PLPP4: variants seen among roughly 807,000 people sequenced by gnomAD.
The protein encoded by PLPP4 is phospholipid phosphatase 4, also known as diacylglycerol pyrophosphate like 2.
In PLPP4, 20 loss-of-function variants were observed where a neutral mutation model predicts 32.2. That is an observed-to-expected ratio of 0.62 (90% CI 0.44 to 0.90). PLPP4 has a LOEUF of 0.90. PLPP4 is among the 40% of genes least tolerant of loss of function. The pLI is 0.00. For missense variants in PLPP4, 257 were observed against 353.1 expected (o/e 0.73, Z 2.18); for synonymous variants, 127 against 133.0 (o/e 0.95, Z 0.31).
At chr10:120,525,078 C>T in intron 5 of PLPP4, among the ~76,000 whole-genome samples, 1 of 152,208 alleles carries the variant, frequency 6.6e-6, no homozygotes, top group East Asian at 1.9e-4. Flanking sequence ...CCAGTGGCTG[C>T]TAGCTTTTGT....
At chr10:120,545,595 C>A (rs1262043710) in intron 5 of PLPP4, among the ~76,000 whole-genome samples, 1 of 152,174 alleles carries the variant, frequency 6.6e-6, no homozygotes, top group Non-Finnish European at 1.5e-5. Context: ...CACTTGTCCT[C>A]TTCTGCTGGT....
intron 6 of PLPP4, among the ~76,000 whole-genome samples, chr10:120,580,115 C>CAAAAAA (rs10609637): frequency 1.1e-5 from 1 of 91,572 alleles, no homozygotes; most frequent in Non-Finnish European, 2.2e-5. Context: ...GCGAGACTCT[C>CAAAAAA]AAAAAAAAAA....
Position 120,457,295 on chromosome 10 carries a change from C to T in PLPP4, c.-11C>T. 2.0e-6 allele frequency: 3 copies of T among 1,515,108 alleles called. No homozygotes were observed. Among genetic ancestry groups the T allele is most frequent in the Non-Finnish European group, 2.7e-6 (3 of 1,129,632 alleles). 93.9% of individuals were successfully genotyped at this position (1,515,108 alleles called of 1,614,324 possible). A position where few individuals can be genotyped will look rare whatever the true frequency, so the allele number is the denominator to read the frequency against. On this transcript the variant is annotated 5_prime_UTR_variant, in exon 1 of 7. Transcript: ENST00000398250. ...ACCAGCTGACGCCGCGGGAGCTGCT[C>T]CGGCCGCACCATGCGGGAGCTGGCC...
Position 120,591,020 on chromosome 10 carries a change from C to T in PLPP4, c.*1518C>T, listed in dbSNP as rs370148664. On this transcript the variant is annotated 3_prime_UTR_variant, in exon 7 of 7. Transcript: ENST00000398250. The stretch of plus-strand genomic sequence containing the variant: ...CTAGCCTCAAGTGATCTGCCCACCT[C>T]GGCCTCCCAAAGTGCTGGGATTATA... Among the ~76,000 whole-genome samples the T allele has an allele frequency of 1.3e-4, 20 of 152,196 alleles. No homozygotes were observed. In the South Asian group the frequency reaches 3.3e-3, roughly 25 times the overall value.
chr10:120,481,431 A>G (rs997892482), intron 1 of PLPP4, among the ~76,000 whole-genome samples: 4 of 152,136 alleles, frequency 2.6e-5, no homozygotes, highest in South Asian at 2.1e-4. Context: ...CCAACCATCT[A>G]TGTACTGCTT....
intron 5 of PLPP4, among the ~76,000 whole-genome samples, chr10:120,547,434 A>G (rs1847680057): frequency 6.6e-6 from 1 of 152,148 alleles, no homozygotes; most frequent in African/African-American, 2.4e-5. Context: ...AAAATTGTGT[A>G]TGTGTTTTAA....
At chr10:120,464,934 A>G (rs1848244101) in intron 1 of PLPP4, among the ~76,000 whole-genome samples, 1 of 152,130 alleles carries the variant, frequency 6.6e-6, no homozygotes, top group African/African-American at 2.4e-5. Context: ...TTGAAATACT[A>G]CTTGCCACTG....
At chr10:120,576,798 C>T (rs11199417) in intron 6 of PLPP4, among the ~76,000 whole-genome samples, 31,418 of 152,142 alleles carry the variant, frequency 0.21, 3,273 homozygotes, top group Admixed American at 0.23. Flanking sequence ...GATAAGAAGC[C>T]GCATCATGAG....
At position 120,591,161 on chromosome 10, in the gene PLPP4, C is replaced by T. The variant is rs530520829; in HGVS notation, c.*1659C>T. 7.9e-5 allele frequency among the ~76,000 whole-genome samples: 12 copies of T among 152,254 alleles called. No individual in the cohort carries two copies. The East Asian group carries it at 1.9e-3, about 25-fold the overall frequency. On this transcript the variant is annotated 3_prime_UTR_variant, in exon 7 of 7. Transcript: ENST00000398250. The stretch of plus-strand genomic sequence containing the variant: ...TGGTCAGCTTATCAGCCCTGGGCTG[C>T]GTGTGCAAGTTAGAAGCATCAGAAT...
intron 5 of PLPP4, among the ~76,000 whole-genome samples, chr10:120,528,649 G>GT (rs1024653033): frequency 2.0e-4 from 31 of 152,154 alleles, no homozygotes; most frequent in Admixed American, 1.5e-3. Flanking sequence ...AACAACAGTT[G>GT]TTTTGCCAAA....
chr10:120,512,198 A>T (rs982317728), intron 2 of PLPP4, among the ~76,000 whole-genome samples: 1 of 152,218 alleles, frequency 6.6e-6, no homozygotes, highest in African/African-American at 2.4e-5. Flanking sequence ...GAGCTGCCCA[A>T]TAATTTATGG....
chr10:120,463,926 C>T (rs1742367326), intron 1 of PLPP4, among the ~76,000 whole-genome samples: 1 of 152,154 alleles, frequency 6.6e-6, no homozygotes. Flanking sequence ...GCAATCCTCC[C>T]ACCTCAGCCT....
intron 5 of PLPP4, among the ~76,000 whole-genome samples, chr10:120,527,541 CT>C (rs1846459535): frequency 6.6e-6 from 1 of 152,092 alleles, no homozygotes; most frequent in African/African-American, 2.4e-5. Context: ...GTGTGTTTGA[CT>C]GAACAACTGG....
chr10:120,507,876 G>C (rs537461793), intron 2 of PLPP4, among the ~76,000 whole-genome samples: 1 of 152,304 alleles, frequency 6.6e-6, no homozygotes, highest in African/African-American at 2.4e-5. Flanking sequence ...ATGGTTTCTA[G>C]TCTAGGGAGG....
At chr10:120,504,259 G>C (rs2133868042) in intron 2 of PLPP4, among the ~76,000 whole-genome samples, 1 of 152,274 alleles carries the variant, frequency 6.6e-6, no homozygotes, top group African/African-American at 2.4e-5. Flanking sequence ...AACAAAGGAG[G>C]GAGGCAATTT....
At chr10:120,545,038 G>T (rs1847548023) in intron 5 of PLPP4, among the ~76,000 whole-genome samples, 1 of 152,242 alleles carries the variant, frequency 6.6e-6, no homozygotes, top group Non-Finnish European at 1.5e-5. Context: ...TCTGCTTTGA[G>T]AAGGCATTGC....
intron 5 of PLPP4, among the ~76,000 whole-genome samples, chr10:120,528,285 A>G (rs986739452): frequency 6.6e-6 from 1 of 152,098 alleles, no homozygotes; most frequent in Admixed American, 6.6e-5. Context: ...CGTGTTAGCC[A>G]GGATGGTCTC....
At chr10:120,519,984 G>A (rs1195549011) in intron 4 of PLPP4, among the ~76,000 whole-genome samples, 1 of 152,180 alleles carries the variant, frequency 6.6e-6, no homozygotes, top group East Asian at 1.9e-4. Context: ...TGCCACTTAC[G>A]GGATGTGTGT....
At chr10:120,578,849 A>C (rs1849346838) in intron 6 of PLPP4, among the ~76,000 whole-genome samples, 1 of 152,226 alleles carries the variant, frequency 6.6e-6, no homozygotes, top group African/African-American at 2.4e-5. Context: ...CTTGCAGGTC[A>C]ACTGGAAGCT....
Sources: allele counts gnomAD v4.1 joint callset (sites outside exome capture counted in the v4.1 genomes callset), GRCh38; gene constraint gnomAD v4.1.1; transcripts MANE v1.5; gene names NCBI Gene and HGNC (gene_info 2026-07-23, HGNC 2026-07-21).